The following PDE5A variants were observed in gnomAD, a reference collection of about 807,000 sequenced individuals.
PDE5A encodes the protein cGMP-specific 3',5'-cyclic phosphodiesterase.
In PDE5A, 67 loss-of-function variants were observed where a neutral mutation model predicts 110.2. That is an observed-to-expected ratio of 0.61 (90% CI 0.50 to 0.75). The LOEUF is 0.75. PDE5A is among the 30% of genes least tolerant of loss of function. PDE5A has a pLI of 0.00. For synonymous variants in PDE5A, 328 were observed against 351.2 expected, an observed-to-expected ratio of 0.93 and a Z score of 0.74; for missense variants, 862 against 1,045.1, an observed-to-expected ratio of 0.82 and a Z score of 2.42.
intron 3 of PDE5A, among the ~76,000 whole-genome samples, chr4:119,593,682 A>G (rs1031319591): frequency 2.0e-5 from 3 of 152,224 alleles, no homozygotes; most frequent in African/African-American, 4.8e-5. Flanking sequence ...TCGAATATAC[A>G]TATCTCAAAT....
chr4:119,515,016 G>T (rs1725862883), intron 14 of PDE5A, among the ~76,000 whole-genome samples: 1 of 152,176 alleles, frequency 6.6e-6, no homozygotes, highest in South Asian at 2.1e-4. Context: ...CACAGCCACT[G>T]CATGGTGGTA....
At chr4:119,597,462 G>T (rs1355283945) in intron 2 of PDE5A, among the ~76,000 whole-genome samples, 1 of 152,008 alleles carries the variant, frequency 6.6e-6, no homozygotes, top group Non-Finnish European at 1.5e-5. Flanking sequence ...AGCAAATCTT[G>T]TCAGTAAAGG....
chr4:119,619,099 G>C (rs1578833620), intron 1 of PDE5A, among the ~76,000 whole-genome samples: 1 of 152,248 alleles, frequency 6.6e-6, no homozygotes, highest in East Asian at 1.9e-4. Flanking sequence ...TTTCTGACTG[G>C]AAAGTATGAT....
intron 1 of PDE5A, among the ~76,000 whole-genome samples, chr4:119,619,561 A>G (rs1290787684): frequency 1.3e-5 from 2 of 152,214 alleles, no homozygotes; most frequent in Non-Finnish European, 2.9e-5. Context: ...TGTTCGAACC[A>G]TTAATAAAAT....
chr4:119,569,900 C>G (rs1000047978), intron 3 of PDE5A: 1 of 152,212 alleles, frequency 6.6e-6, no homozygotes, highest in Non-Finnish European at 1.5e-5. Context: ...AAATATTATG[C>G]CATTTTATAT....
At chr4:119,560,013 A>G (rs1727691240) in intron 7 of PDE5A, among the ~76,000 whole-genome samples, 1 of 152,216 alleles carries the variant, frequency 6.6e-6, no homozygotes, top group Non-Finnish European at 1.5e-5. Context: ...AAATCCTTTA[A>G]TAGGAGAAAA....
intron 3 of PDE5A, among the ~76,000 whole-genome samples, chr4:119,593,615 G>C (rs1429228793): frequency 6.6e-6 from 1 of 152,160 alleles, no homozygotes; most frequent in Non-Finnish European, 1.5e-5. Flanking sequence ...GGGGTACAGG[G>C]GAACATTTGA....
intron 12 of PDE5A, among the ~76,000 whole-genome samples, chr4:119,524,809 T>A (rs927617896): frequency 6.6e-6 from 1 of 152,118 alleles, no homozygotes; most frequent in African/African-American, 2.4e-5. Context: ...TTCTGCTGCT[T>A]CTTATTCTTT....
intron 3 of PDE5A, among the ~76,000 whole-genome samples, chr4:119,568,417 A>G (rs189404597): frequency 1.3e-5 from 2 of 152,288 alleles, no homozygotes; most frequent in East Asian, 3.9e-4. Flanking sequence ...GGTCTAATAT[A>G]GAGTAGTATA....
intron 11 of PDE5A, among the ~76,000 whole-genome samples, chr4:119,536,544 T>A (rs1053236665): frequency 3.9e-5 from 6 of 152,304 alleles, no homozygotes; most frequent in Non-Finnish European, 8.8e-5. Context: ...CTTCAAATAC[T>A]GTCATCAACA....
intron 3 of PDE5A, among the ~76,000 whole-genome samples, chr4:119,568,666 G>A (rs967544117): frequency 1.3e-5 from 2 of 152,118 alleles, no homozygotes; most frequent in Non-Finnish European, 2.9e-5. Context: ...GTGGGTAAAA[G>A]AGAAGGAGTC....
chr4:119,497,544 T>A lies in PDE5A; in HGVS notation c.*1057A>T, dbSNP rs200461454. ...TTTCAATCACAATACTGCTAAATGT[T>A]ATTCAGGCATAAAGTTTCTTACCCA... On this transcript the variant is annotated 3_prime_UTR_variant, in exon 21 of 21. Coordinates refer to ENST00000354960, the MANE Select transcript of PDE5A (RefSeq NM_001083.4). The A allele has an allele frequency of 3.9e-4, 60 of 152,170 alleles. No homozygotes were observed. Among genetic ancestry groups the A allele is most frequent in the African/African-American group, 1.3e-3 (53 of 41,462 alleles). The allele number at this position is 152,170 out of a possible 1,614,324, so 9.4% of individuals were successfully genotyped here.
intron 3 of PDE5A, among the ~76,000 whole-genome samples, chr4:119,588,467 G>A (rs1171686425): frequency 6.7e-6 from 1 of 149,602 alleles, no homozygotes; most frequent in Non-Finnish European, 1.5e-5. Context: ...GTGAGCCACC[G>A]CGCCTAGCCT....
At chr4:119,598,452 G>C (rs1020538092) in intron 2 of PDE5A, among the ~76,000 whole-genome samples, 13 of 152,082 alleles carry the variant, frequency 8.5e-5, no homozygotes, top group African/African-American at 2.9e-4. Flanking sequence ...AACCCCTCTA[G>C]GTCCAGTAAA....
intron 11 of PDE5A, among the ~76,000 whole-genome samples, chr4:119,526,747 C>T (rs76478539): frequency 2.0e-5 from 3 of 152,254 alleles, no homozygotes; most frequent in East Asian, 3.9e-4. Flanking sequence ...GGCACTTGCA[C>T]ATTCTCCTTT....
intron 3 of PDE5A, among the ~76,000 whole-genome samples, chr4:119,567,815 C>A (rs919825220): frequency 2.0e-5 from 3 of 152,074 alleles, no homozygotes; most frequent in African/African-American, 7.2e-5. Context: ...TTTAGTTCCA[C>A]CTTCATTTTG....
At chr4:119,551,952 T>C (rs1368008484) in intron 9 of PDE5A, 2 of 152,196 alleles carry the variant, frequency 1.3e-5, no homozygotes, top group Non-Finnish European at 2.9e-5. Flanking sequence ...GATTGGCATA[T>C]AAAATCCTAC....
rs79976921 is a variant in PDE5A at position 119,594,084 on chromosome 4, A to T, written c.831+2439T>A. Among the ~76,000 whole-genome samples, 1,066 of 152,308 alleles carry T rather than the reference A, an allele frequency of 7.0e-3. 14 individuals are homozygous for T. Among genetic ancestry groups the T allele is most frequent in the African/African-American group, 0.024 (999 of 41,562 alleles). ...ATTTAAGGTGAGATTTTGGGTGGGG[A>T]CACAGACAAATCATGTCAGTACGCG... On this transcript the variant is annotated intron_variant, in intron 3 of 20. Coordinates refer to ENST00000354960, the MANE Select transcript of PDE5A (RefSeq NM_001083.4).
At position 119,505,984 on chromosome 4, in the gene PDE5A, T is replaced by C. The variant is rs762082920; in HGVS notation, c.2190-52A>G. 7.0e-6 allele frequency: 7 copies of C among 996,658 alleles called. No individual in the cohort carries two copies. In the East Asian group the frequency reaches 1.7e-4, roughly 24 times the overall value. 61.7% of individuals were successfully genotyped at this position (996,658 alleles called of 1,614,324 possible). On this transcript the variant is annotated intron_variant, in intron 16 of 20. Transcript: ENST00000354960. The stretch of plus-strand genomic sequence containing the variant: ...GTTATAATGAGTACCCAGGGTCTTA[T>C]CCCTTTGGTCCACAAAGACTCATGG...
Sources: gnomAD v4.1 joint callset for allele counts (sites outside exome capture counted in the v4.1 genomes callset) on GRCh38, gnomAD v4.1.1 for gene constraint, MANE v1.5 for transcripts, NCBI Gene and HGNC (gene_info 2026-07-23, HGNC 2026-07-21) for gene names.